RNF144B: variants seen among roughly 807,000 people sequenced by gnomAD.
RNF144B encodes the protein E3 ubiquitin-protein ligase RNF144B.
A neutral mutation model predicts 40.2 loss-of-function variants in RNF144B; 25 were observed. The ratio of observed to expected loss-of-function variants is 0.62; its 90% CI spans 0.45 to 0.87. RNF144B has a LOEUF of 0.87. RNF144B is among the 40% of genes least tolerant of loss of function. The pLI is 0.00. For synonymous variants in RNF144B, 145 were observed against 136.3 expected, an observed-to-expected ratio of 1.06 and a Z score of -0.44; for missense variants, 365 against 373.7, an observed-to-expected ratio of 0.98 and a Z score of 0.19.
chr6:18,391,065 G>A lies in RNF144B; in HGVS notation c.-37+3435G>A, dbSNP rs578115764. 9.2e-5 allele frequency among the ~76,000 whole-genome samples: 14 copies of A among 152,216 alleles called. 1 individual carries two copies. In the South Asian group the frequency reaches 2.9e-3, roughly 32 times the overall value. ...AACTTTAACAGGAGGGGGTAATATT[G>A]GCACATGCTTTTATTCATTTGAAAA... On this transcript the variant is annotated intron_variant, in intron 1 of 7. Coordinates refer to ENST00000259939, the MANE Select transcript of RNF144B (RefSeq NM_182757.4).
At chr6:18,396,925 G>T (rs1263967141) in intron 1 of RNF144B, 17 of 549,882 alleles carry the variant, frequency 3.1e-5, no homozygotes. Context: ...AATTTAATTT[G>T]CTCTTGGATG....
rs1759093208 is a variant in RNF144B, at chr6:18,446,843, GTGTGTGTGT to G, written c.331+7100_331+7108del. ...AGTTTTATTGGTTCTATTTTAGGGTGTGTGTGTGTGTGTGTGTGTGTGTGTGTGTGTCTG... is the reference window on the plus strand; with the variant it reads ...AGTTTTATTGGTTCTATTTTAGGGTGGTGTGTGTGTGTGTGTGTGTGTCTG... On this transcript the variant is annotated intron_variant, in intron 4 of 7. Transcript: ENST00000259939. This position sits in a 1 kb window ranked among gnomAD's most constrained non-coding sequence, Gnocchi z 4.7. Among the ~76,000 whole-genome samples, 2 of 58,232 alleles carry G rather than the reference GTGTGTGTGT, an allele frequency of 3.4e-5. No homozygotes were observed. Among genetic ancestry groups the G allele is most frequent in the East Asian group, 4.0e-4 (1 of 2,502 alleles). The allele number at this position is 58,232 out of a possible 152,430, so 38.2% of individuals were successfully genotyped here. A position where few individuals can be genotyped will look rare whatever the true frequency, so the allele number is the denominator to read the frequency against.
At chr6:18,421,307 CACACACACAT>C (rs1199228983) in intron 2 of RNF144B, among the ~76,000 whole-genome samples, 5 of 127,952 alleles carry the variant, frequency 3.9e-5, no homozygotes, top group African/African-American at 1.4e-4. Context: ...CACACACACA[CACACACACAT>C]ATATATAAAA....
intron 4 of RNF144B, among the ~76,000 whole-genome samples, chr6:18,455,783 A>C (rs951010045): frequency 1.3e-5 from 2 of 152,166 alleles, no homozygotes; most frequent in Non-Finnish European, 2.9e-5. Flanking sequence ...CAGTTCTCCA[A>C]CTCTATCTTC....
rs774666485 is a variant in RNF144B at position 18,444,063 on chromosome 6, A to G, written c.331+4319A>G. ...TTCTTAGTGCCTGCCAAGTTCTTTT[A>G]GTCTTTAGCTTGTTGTTCAGTGTGT... On this transcript the variant is annotated intron_variant, in intron 4 of 7. Coordinates refer to ENST00000259939, the MANE Select transcript of RNF144B (RefSeq NM_182757.4). The surrounding 1 kb of genome is among the most constrained non-coding windows in gnomAD (Gnocchi z 4.3). 8.5e-5 allele frequency among the ~76,000 whole-genome samples: 13 copies of G among 152,282 alleles called. No individual in the cohort carries two copies. Among genetic ancestry groups the G allele is most frequent in the Non-Finnish European group, 1.8e-4 (12 of 68,020 alleles).
Position 18,441,905 on chromosome 6 carries a change from ATAACT to A in RNF144B, c.331+2165_331+2169del, listed in dbSNP as rs1758973929. On this transcript the variant is annotated intron_variant, in intron 4 of 7. Coordinates refer to ENST00000259939, the MANE Select transcript of RNF144B (RefSeq NM_182757.4). This position sits in a 1 kb window ranked among gnomAD's most constrained non-coding sequence, Gnocchi z 4.9. ...AAAATTTTAACAGTTGGCAATAAAAATAACTTAAAAGTAGCACGTTTTAAATTAAA... is the reference window on the plus strand; with the variant it reads ...AAAATTTTAACAGTTGGCAATAAAAATAAAAGTAGCACGTTTTAAATTAAA... 6.6e-6 allele frequency among the ~76,000 whole-genome samples: 1 copy of A among 152,274 alleles called. No homozygotes were observed. The highest frequency in any genetic ancestry group is 2.1e-4 in the South Asian group (1 of 4,838).
At chr6:18,440,809 T>TA (rs369811296) in intron 4 of RNF144B, among the ~76,000 whole-genome samples, 36 of 142,364 alleles carry the variant, frequency 2.5e-4, no homozygotes, top group African/African-American at 4.3e-4. Context: ...TTTTTTTTTT[T>TA]AAAAATCCAG....
chr6:18,445,251 G>C (rs1480028800), intron 4 of RNF144B, among the ~76,000 whole-genome samples: 1 of 152,200 alleles, frequency 6.6e-6, no homozygotes, highest in Non-Finnish European at 1.5e-5. Flanking sequence ...TGCTAGGACA[G>C]AGAATATACA....
At chr6:18,420,566 T>C (rs530697788) in intron 2 of RNF144B, among the ~76,000 whole-genome samples, 7 of 152,284 alleles carry the variant, frequency 4.6e-5, no homozygotes, top group African/African-American at 1.7e-4. Flanking sequence ...CATCTGGTGT[T>C]ACCTACGGTC....
chr6:18,438,721 AT>A (rs970401083), intron 3 of RNF144B, among the ~76,000 whole-genome samples: 28 of 152,118 alleles, frequency 1.8e-4, no homozygotes, highest in Admixed American at 9.8e-4. Flanking sequence ...AAGAACGTCA[AT>A]GTAGGTGTGT....
chr6:18,452,560 A>G (rs922800711), intron 4 of RNF144B, among the ~76,000 whole-genome samples: 11 of 152,288 alleles, frequency 7.2e-5, no homozygotes, highest in Admixed American at 3.9e-4. Context: ...TTAGTTCCAG[A>G]ATTGCTTTAT....
intron 2 of RNF144B, among the ~76,000 whole-genome samples, chr6:18,426,026 GTAATA>G (rs1257100138): frequency 5.9e-5 from 9 of 152,150 alleles, no homozygotes; most frequent in Non-Finnish European, 1.0e-4. Context: ...GTTTTCTGAA[GTAATA>G]TAATAGTGAT....
In RNF144B at chr6:18,465,197, TTGCC is replaced by T; in HGVS notation, c.*135_*138del. The T allele has an allele frequency of 1.1e-6, 1 of 891,018 alleles. No individual in the cohort carries two copies. Among genetic ancestry groups the T allele is most frequent in the Non-Finnish European group, 1.7e-6 (1 of 582,404 alleles). The allele number at this position is 891,018 out of a possible 1,614,324, so 55.2% of individuals were successfully genotyped here. A position where few individuals can be genotyped will look rare whatever the true frequency, so the allele number is the denominator to read the frequency against. ...GTGCCTCCGTGTCCAGACTTTGAAC[TTGCC>T]TGCCAGCCTTCAGCATCAGGAAAGG... On this transcript the variant is annotated 3_prime_UTR_variant, in exon 8 of 8. Coordinates refer to ENST00000259939, the MANE Select transcript of RNF144B (RefSeq NM_182757.4).
chr6:18,392,093 A>G (rs1328646590), intron 1 of RNF144B, among the ~76,000 whole-genome samples: 1 of 146,978 alleles, frequency 6.8e-6, no homozygotes, highest in Non-Finnish European at 1.5e-5. Flanking sequence ...CTGTAGTCCC[A>G]GCTACTTGGG....
chr6:18,438,407 G>T (rs1232766951), intron 3 of RNF144B, among the ~76,000 whole-genome samples: 6 of 152,052 alleles, frequency 3.9e-5, no homozygotes, highest in African/African-American at 1.4e-4. Flanking sequence ...TAAGGTACCA[G>T]ATGAAAATGC....
chr6:18,395,604 A>G lies in RNF144B; in HGVS notation c.-36-3895A>G, dbSNP rs1794677323. On this transcript the variant is annotated intron_variant, in intron 1 of 7. Coordinates refer to ENST00000259939, the MANE Select transcript of RNF144B (RefSeq NM_182757.4). This position sits in a 1 kb window ranked among gnomAD's most constrained non-coding sequence, Gnocchi z 4.5. ...TTTTTTTTTTTTAAATGAAGTGCTCACTGCATTTCATTCATTTTTTTAACT... is the reference window on the plus strand; with the variant it reads ...TTTTTTTTTTTTAAATGAAGTGCTCGCTGCATTTCATTCATTTTTTTAACT... 6.6e-6 allele frequency among the ~76,000 whole-genome samples: 1 copy of G among 151,460 alleles called. No homozygotes were observed. The highest frequency in any genetic ancestry group is 2.4e-5 in the African/African-American group (1 of 41,174).
Position 18,463,358 on chromosome 6 carries a change from C to A in RNF144B, c.749C>A (p.Ser250Ter). The change falls in exon 7 of 8, where the codon TCA becomes TAA. Residue 250 changes from serine (S) to a stop codon, truncating the protein, a stop_gained. Coordinates refer to ENST00000259939, the MANE Select transcript of RNF144B (RefSeq NM_182757.4). LOFTEE classifies it high-confidence loss of function. ...CRNKLGHSRA[S>*]VMWNRTQVVG... ...AATAAACTTGGCCACTCAAGAGCAT[C>A]AGTGATGTGGAACCGAACACAGGTA... 1 of 1,609,452 alleles carries A rather than the reference C, an allele frequency of 6.2e-7. No homozygotes were observed. Among genetic ancestry groups the A allele is most frequent in the Non-Finnish European group, 8.5e-7 (1 of 1,175,748 alleles).
At chr6:18,399,734 T>C in intron 2 of RNF144B, 35 bp downstream of exon 2, 1 of 1,531,654 alleles carries the variant, frequency 6.5e-7, no homozygotes, top group Non-Finnish European at 9.0e-7. Context: ...TATGAGAAAA[T>C]ACAAAGGGAA....
intron 1 of RNF144B, among the ~76,000 whole-genome samples, chr6:18,387,867 T>A (rs541237568): frequency 6.6e-6 from 1 of 152,310 alleles, no homozygotes; most frequent in Non-Finnish European, 1.5e-5. Flanking sequence ...ACAGTTTCTA[T>A]AATAGAATGT....
Sources: gnomAD v4.1 joint callset for allele counts (sites outside exome capture counted in the v4.1 genomes callset) on GRCh38, gnomAD v4.1.1 for gene constraint, Gnocchi (gnomAD v3.1) non-coding constraint, MANE v1.5 for transcripts, NCBI Gene and HGNC (gene_info 2026-07-23, HGNC 2026-07-21) for gene names.